Variants in CDH13 observed in about 807,000 individuals in gnomAD.
The protein encoded by CDH13 is cadherin-13.
Under a neutral mutation model 63.8 loss-of-function variants are expected in CDH13, and 24 were observed. The ratio of observed to expected loss-of-function variants is 0.38; its 90% CI spans 0.27 to 0.53. The LOEUF (loss-of-function observed/expected upper bound fraction) is 0.53. Among genes scored for constraint, CDH13 ranks in the 20% least tolerant of loss-of-function variants. CDH13 has a pLI of 0.85. For missense variants in CDH13, 1,049 were observed against 903.1 expected (o/e 1.16, Z -2.07); for synonymous variants, 503 against 355.3 (o/e 1.42, Z -4.67).
chr16:83,207,863 C>A (rs776140171), intron 4 of CDH13, among the ~76,000 whole-genome samples: 3 of 151,872 alleles, frequency 2.0e-5, no homozygotes, highest in Non-Finnish European at 2.9e-5. Flanking sequence ...CATTGACTTC[C>A]TTAGAGCTCA....
rs761139160 is a variant in CDH13, at chr16:83,678,307, G to A, written c.1384G>A (p.Ala462Thr). ...CGTCTCCTACGGCCCCAGCTCCACA[G>A]CCACCGTCCACATCACTGTCCTGGA... ...PDVSYGPSST[A>T]TVHITVLDVN... The change falls in exon 10 of 14, where the codon GCC becomes ACC. Residue 462 changes from alanine (A) to threonine (T), a missense_variant. Ala to Thr is a moderately conservative substitution (Grantham distance 58). Coordinates refer to ENST00000567109, the MANE Select transcript of CDH13 (RefSeq NM_001257.5). The A allele has an allele frequency of 4.1e-5, 66 of 1,613,848 alleles. No individual in the cohort carries two copies. The highest frequency in any genetic ancestry group is 5.1e-5 in the Non-Finnish European group (60 of 1,179,888).
In CDH13 at chr16:83,045,257, C is replaced by G. The variant is rs147960333; in HGVS notation, c.366+13039C>G. Among the ~76,000 whole-genome samples, 1,159 of 152,272 alleles carry G rather than the reference C, an allele frequency of 7.6e-3. 13 individuals carry two copies. The highest frequency in any genetic ancestry group is 0.026 in the African/African-American group (1,100 of 41,548). The stretch of plus-strand genomic sequence containing the variant: ...GTGTCATCATGACCCATTAATAAAA[C>G]TTTCCTCGTGAACAGAACCTTTGGA... On this transcript the variant is annotated intron_variant, in intron 3 of 13. Transcript: ENST00000567109.
chr16:83,609,974 G>T (rs961844471), intron 8 of CDH13, among the ~76,000 whole-genome samples: 1 of 152,134 alleles, frequency 6.6e-6, no homozygotes, highest in South Asian at 2.1e-4. Context: ...CATACAATAC[G>T]TGGTCCTTTG....
intron 1 of CDH13, among the ~76,000 whole-genome samples, chr16:82,840,488 G>A (rs535516736): frequency 6.6e-6 from 1 of 151,724 alleles, no homozygotes; most frequent in Non-Finnish European, 1.5e-5. Context: ...TTTGAGACCA[G>A]CCTGACCAAC....
intron 2 of CDH13, among the ~76,000 whole-genome samples, chr16:82,877,305 G>A (rs549667326): frequency 6.6e-6 from 1 of 152,336 alleles, no homozygotes; most frequent in African/African-American, 2.4e-5. Context: ...TAAGGAGACT[G>A]TTGTCCCAGA....
At chr16:83,033,494 T>C (rs892298450) in intron 3 of CDH13, among the ~76,000 whole-genome samples, 1 of 152,172 alleles carries the variant, frequency 6.6e-6, no homozygotes, top group Admixed American at 6.5e-5. Context: ...GGCATACACA[T>C]ACTATATATG....
chr16:83,745,138 G>A (rs1381892224), intron 10 of CDH13, among the ~76,000 whole-genome samples: 3 of 152,178 alleles, frequency 2.0e-5, no homozygotes, highest in Non-Finnish European at 4.4e-5. Flanking sequence ...TCCAGCCGGC[G>A]CAATGTAAGG....
At chr16:83,095,690 G>T (rs1004972639) in intron 3 of CDH13, among the ~76,000 whole-genome samples, 1 of 152,138 alleles carries the variant, frequency 6.6e-6, no homozygotes, top group Admixed American at 6.5e-5. Context: ...GTACAACCTA[G>T]TTAACTGAAT....
intron 6 of CDH13, among the ~76,000 whole-genome samples, chr16:83,468,004 T>C (rs2151534622): frequency 6.6e-6 from 1 of 152,298 alleles, no homozygotes; most frequent in East Asian, 1.9e-4. Context: ...ACTCTGGCAG[T>C]CAGCACAGTT....
At chr16:82,816,512 G>C (rs933607557) in intron 1 of CDH13, among the ~76,000 whole-genome samples, 1 of 152,114 alleles carries the variant, frequency 6.6e-6, no homozygotes, top group Non-Finnish European at 1.5e-5. Context: ...TGTGGGTGGA[G>C]AAGGCCTCAC....
intron 10 of CDH13, among the ~76,000 whole-genome samples, chr16:83,688,458 A>G (rs1301456051): frequency 6.6e-6 from 1 of 152,210 alleles, no homozygotes; most frequent in Non-Finnish European, 1.5e-5. Context: ...CACCTTTTAA[A>G]TTTTAATCAG....
At chr16:83,547,113 A>C (rs999499955) in intron 7 of CDH13, among the ~76,000 whole-genome samples, 1 of 152,188 alleles carries the variant, frequency 6.6e-6, no homozygotes, top group Non-Finnish European at 1.5e-5. Flanking sequence ...AGAATGGTGG[A>C]GTATGATAAC....
intron 4 of CDH13, among the ~76,000 whole-genome samples, chr16:83,199,432 C>G (rs1306340618): frequency 6.6e-6 from 1 of 152,166 alleles, no homozygotes; most frequent in Non-Finnish European, 1.5e-5. Context: ...CCTGTTCCTC[C>G]CCCTGAACTA....
intron 6 of CDH13, among the ~76,000 whole-genome samples, chr16:83,443,558 G>C (rs1212321970): frequency 6.6e-6 from 1 of 151,772 alleles, no homozygotes; most frequent in African/African-American, 2.4e-5. Flanking sequence ...TGAGTATAAA[G>C]CACTCTAGTC....
intron 1 of CDH13, among the ~76,000 whole-genome samples, chr16:82,848,615 A>T (rs1032397694): frequency 6.7e-6 from 1 of 150,322 alleles, no homozygotes; most frequent in Admixed American, 6.7e-5. Flanking sequence ...CTGTGCCCAT[A>T]TAAGATGCCA....
chr16:83,041,766 G>T (rs868174205), intron 3 of CDH13, among the ~76,000 whole-genome samples: 1 of 152,150 alleles, frequency 6.6e-6, no homozygotes, highest in African/African-American at 2.4e-5. Context: ...GAAAAGTTAC[G>T]TAACTTCTCT....
At chr16:83,658,929 CA>C (rs1913165020) in intron 8 of CDH13, among the ~76,000 whole-genome samples, 2 of 141,248 alleles carry the variant, frequency 1.4e-5, no homozygotes, top group Non-Finnish European at 3.1e-5. Flanking sequence ...TCCTCACCAG[CA>C]AGGTCCCATG....
chr16:83,110,346 CA>C (rs2034997569), intron 3 of CDH13, among the ~76,000 whole-genome samples: 2 of 152,196 alleles, frequency 1.3e-5, no homozygotes, highest in Non-Finnish European at 2.9e-5. Flanking sequence ...GTTAACCACA[CA>C]ACAGCTGGTT....
intron 3 of CDH13, among the ~76,000 whole-genome samples, chr16:83,115,081 A>G (rs4075464): frequency 0.56 from 85,338 of 152,074 alleles, 24,544 homozygotes; most frequent in Middle Eastern, 0.65. Flanking sequence ...TTATACCTGA[A>G]TAAATGGATC....
Sources: gnomAD v4.1 joint callset for allele counts (sites outside exome capture counted in the v4.1 genomes callset) on GRCh38, gnomAD v4.1.1 for gene constraint, MANE v1.5 for transcripts, NCBI Gene and HGNC (gene_info 2026-07-23, HGNC 2026-07-21) for gene names.